ZGRF1: variants seen among roughly 807,000 people sequenced by gnomAD.
The protein encoded by ZGRF1 is zinc finger GRF-type containing 1.
In ZGRF1, 196 loss-of-function variants were observed where a neutral mutation model predicts 203.5. That is an observed-to-expected ratio of 0.96 (90% CI 0.86 to 1.08). ZGRF1 has a LOEUF of 1.08. Ranked by LOEUF, ZGRF1 falls within the 50% of genes least tolerant of loss-of-function variation. The pLI is 0.00. For missense variants in ZGRF1, 2,326 were observed against 2,416.3 expected (o/e 0.96, Z 0.78); for synonymous variants, 809 against 841.3 (o/e 0.96, Z 0.66).
In ZGRF1 at chr4:112,562,447, C is replaced by T; in HGVS notation, c.4621G>A (p.Glu1541Lys). The T allele has an allele frequency of 6.2e-7, 1 of 1,609,374 alleles. No homozygotes were observed. The highest frequency in any genetic ancestry group is 1.7e-4 in the Middle Eastern group (1 of 6,056). Residue 1541 changes from glutamate to lysine, a missense_variant, in exon 18 of 28, where the codon GAA becomes AAA. Transcript: ENST00000505019. ...HALLVCNAST[E>K]LTTLKNIQDY... ...TGAATGTTTTTCAAAGTAGTCAGTT[C>T]TGTGCTAGCATTACAAACCAATAAC...
rs189716668 is a variant in ZGRF1 at position 112,587,914 on chromosome 4, C to G, written c.3143G>C (p.Arg1048Pro). The change falls in exon 12 of 28, where the codon CGT becomes CCT. Residue 1048 changes from arginine to proline, a missense_variant. Physicochemically the swap from Arg to Pro is moderately radical, Grantham distance 103. Coordinates refer to ENST00000505019, the MANE Select transcript of ZGRF1 (RefSeq NM_018392.5). ...TTGAAGGTTCTCATTCTCCAGAGAA[C>G]GGGATTTTTTCATCCCTGAAAGAAA... ...FLNLEGMKKS[R>P]SLENENLQRL... 4.6e-6 allele frequency: 7 copies of G among 1,527,132 alleles called. No homozygotes were observed. In the Admixed American group the frequency reaches 1.6e-4, roughly 34 times the overall value. The allele number at this position is 1,527,132 out of a possible 1,614,324, so 94.6% of individuals were successfully genotyped here.
chr4:112,543,806 A>G (rs1465367001), intron 24 of ZGRF1, among the ~76,000 whole-genome samples: 1 of 152,318 alleles, frequency 6.6e-6, no homozygotes, highest in East Asian at 1.9e-4. Flanking sequence ...CCATATGACT[A>G]TATTACCTAT....
At position 112,617,501 on chromosome 4, in the gene ZGRF1, C is replaced by G. The variant is rs1267705689; in HGVS notation, c.2541G>C (p.Lys847Asn). ...TTCCTTGCTGAAAGACAGTATTTTT[C>G]TTTTTCAATATTTCCAAGCTGTCTA... ...TALDSLEILKKKNTVFQQGTQ... is the reference protein window; with the variant it reads ...TALDSLEILKNKNTVFQQGTQ... The change falls in exon 6 of 28, where the codon AAG (lysine) becomes AAC (asparagine). Residue 847 changes from lysine to asparagine, a missense_variant. Coordinates refer to ENST00000505019, the MANE Select transcript of ZGRF1 (RefSeq NM_018392.5). 1.9e-6 allele frequency: 3 copies of G among 1,598,624 alleles called. No homozygotes were observed. Among genetic ancestry groups the G allele is most frequent in the East Asian group, 2.2e-5 (1 of 44,784 alleles).
Position 112,558,194 on chromosome 4 carries a change from C to G in ZGRF1, c.5076G>C (p.Leu1692=), listed in dbSNP as rs1206621086. The G allele has an allele frequency of 6.2e-7, 1 of 1,609,544 alleles. No individual in the cohort carries two copies. Among genetic ancestry groups the G allele is most frequent in the South Asian group, 1.1e-5 (1 of 90,076 alleles). ...TIGNARPWKL[L]ISSSTNVAVD... is the part of the protein sequence containing the mutation. ...CAGCCACATTAGTAGAAGAAGAAAT[C>G]AGAAGTTTCCACGGCCTTGCATTTC... The change falls in exon 20 of 28, where the codon CTG becomes CTC. Residue 1692 remains leucine, a synonymous_variant. Coordinates refer to ENST00000505019, the MANE Select transcript of ZGRF1 (RefSeq NM_018392.5).
intron 4 of ZGRF1, among the ~76,000 whole-genome samples, chr4:112,621,461 C>T (rs1307519953): frequency 6.6e-6 from 1 of 151,732 alleles, no homozygotes; most frequent in Non-Finnish European, 1.5e-5. Flanking sequence ...ACCAGCCTGA[C>T]CAACATGGTG....
intron 10 of ZGRF1, among the ~76,000 whole-genome samples, chr4:112,602,676 A>G (rs1750162739): frequency 6.6e-6 from 1 of 152,228 alleles, no homozygotes; most frequent in Admixed American, 6.5e-5. Flanking sequence ...ATTGGGATAT[A>G]TTTATGCAAC....
chr4:112,587,673 C>T lies in ZGRF1; in HGVS notation c.3384G>A (p.Arg1128=), dbSNP rs568750303. 4 of 1,613,064 alleles carry T rather than the reference C, an allele frequency of 2.5e-6. No individual in the cohort carries two copies. In the East Asian group the frequency reaches 8.9e-5, roughly 36 times the overall value. The change falls in exon 12 of 28, where the codon AGG becomes AGA. Residue 1128 remains arginine, a synonymous_variant. Transcript: ENST00000505019. ...GTGAAACATCCCCTGGATTCACTTC[C>T]CTAGATTCTTCAGAGAAAAAGGTTT... ...QNETFFSEES[R]EVNPGDVSLN... is the part of the protein sequence containing the mutation.
At chr4:112,603,019 T>C (rs1578416544) in intron 10 of ZGRF1, among the ~76,000 whole-genome samples, 1 of 151,926 alleles carries the variant, frequency 6.6e-6, no homozygotes, top group African/African-American at 2.4e-5. Flanking sequence ...TGCTTTTTTT[T>C]CTTTATTTCT....
At chr4:112,603,419 C>T in intron 10 of ZGRF1, 105 bp downstream of exon 10, 1 of 671,420 alleles carries the variant, frequency 1.5e-6, no homozygotes, top group Non-Finnish European at 2.4e-6. Context: ...TTACTGTACT[C>T]CTTTTTAACT....
intron 16 of ZGRF1, among the ~76,000 whole-genome samples, chr4:112,567,781 C>T (rs1743406877): frequency 6.6e-6 from 1 of 152,034 alleles, no homozygotes; most frequent in Admixed American, 6.6e-5. Context: ...AAAACATTAG[C>T]TGGGTGTAGT....
chr4:112,556,398 A>C (rs1740949604), intron 20 of ZGRF1, among the ~76,000 whole-genome samples: 1 of 152,090 alleles, frequency 6.6e-6, no homozygotes, highest in South Asian at 2.1e-4. Flanking sequence ...ACATTTTCTA[A>C]GTTTTTTTTT....
Position 112,548,364 on chromosome 4 carries a change from A to G in ZGRF1, c.5363T>C (p.Val1788Ala), listed in dbSNP as rs1396234943. The G allele has an allele frequency of 3.9e-6, 6 of 1,553,224 alleles. No individual in the cohort carries two copies. The Admixed American group carries it at 1.2e-4, about 30-fold the overall frequency. The change falls in exon 23 of 28, where the codon GTT becomes GCT. Residue 1788 changes from valine to alanine, a missense_variant. By Grantham distance (64) the Val-to-Ala change is moderately conservative (BLOSUM62 0). Transcript: ENST00000505019. ...TGGGAATGGGCAGGCTGCACAGGTA[A>G]CTCCAACTACTCGAACCTTTATTAC... ...TLLKQVRVVGVTCAACPFPCM... is the reference protein window; with the variant it reads ...TLLKQVRVVGATCAACPFPCM...
intron 16 of ZGRF1, among the ~76,000 whole-genome samples, chr4:112,572,502 CA>C (rs1354944734): frequency 6.6e-6 from 1 of 152,018 alleles, no homozygotes; most frequent in East Asian, 1.9e-4. Flanking sequence ...ACTTCATGAC[CA>C]AAAACCCAAA....
At chr4:112,543,658 C>T (rs1432973427) in intron 24 of ZGRF1, among the ~76,000 whole-genome samples, 1 of 152,046 alleles carries the variant, frequency 6.6e-6, no homozygotes, top group African/African-American at 2.4e-5. Context: ...TATGTATTTG[C>T]TTACAGGCAT....
At position 112,601,964 on chromosome 4, in the gene ZGRF1, G is replaced by A. The variant is rs60549965; in HGVS notation, c.2976+1560C>T. 7.4e-3 allele frequency among the ~76,000 whole-genome samples: 1,126 copies of A among 152,256 alleles called. 18 individuals are homozygous for A. The highest frequency in any genetic ancestry group is 0.026 in the African/African-American group (1,091 of 41,552). ...TCACGCCTGTAATCCCAGCACTTTGGGAGGACGAGGCCGGCAGATCACCTG... is the reference window on the plus strand; with the variant it reads ...TCACGCCTGTAATCCCAGCACTTTGAGAGGACGAGGCCGGCAGATCACCTG... On this transcript the variant is annotated intron_variant, in intron 10 of 27. Coordinates refer to ENST00000505019, the MANE Select transcript of ZGRF1 (RefSeq NM_018392.5).
At chr4:112,594,681 G>A (rs1748709501) in intron 10 of ZGRF1, among the ~76,000 whole-genome samples, 1 of 151,536 alleles carries the variant, frequency 6.6e-6, no homozygotes, top group Non-Finnish European at 1.5e-5. Context: ...TCGAACTCCT[G>A]ACCTCAAATG....
chr4:112,542,338 T>C (rs1443290006), intron 24 of ZGRF1, among the ~76,000 whole-genome samples: 1 of 152,146 alleles, frequency 6.6e-6, no homozygotes, highest in Non-Finnish European at 1.5e-5. Context: ...CTGCACAACA[T>C]AATACTTAGT....
At chr4:112,621,600 G>T (rs974126153) in intron 4 of ZGRF1, among the ~76,000 whole-genome samples, 3 of 149,384 alleles carry the variant, frequency 2.0e-5, no homozygotes, top group Admixed American at 1.3e-4. Flanking sequence ...TTGCGGTGAG[G>T]TGAGATCGCG....
At chr4:112,565,178 G>C (rs982890766) in intron 16 of ZGRF1, 1 of 1,515,144 alleles carries the variant, frequency 6.6e-7, no homozygotes, top group African/African-American at 1.4e-5. Flanking sequence ...CTTCTGATTC[G>C]CTAACTTCCC....
Sources: gnomAD v4.1 joint callset for allele counts (sites outside exome capture counted in the v4.1 genomes callset) on GRCh38, gnomAD v4.1.1 for gene constraint, MANE v1.5 for transcripts, NCBI Gene and HGNC (gene_info 2026-07-23, HGNC 2026-07-21) for gene names.